The following MARCHF7 variants were observed in gnomAD, a reference collection of about 807,000 sequenced individuals.
MARCHF7 encodes the protein membrane associated ring-CH-type finger 7.
A neutral mutation model predicts 76.5 loss-of-function variants in MARCHF7; 20 were observed. The observed-to-expected ratio is 0.26, with a 90% CI of 0.18 to 0.38. The LOEUF (loss-of-function observed/expected upper bound fraction) is 0.38. Among genes scored for constraint, MARCHF7 ranks in the 10% least tolerant of loss-of-function variants. The pLI is 1.00. For missense variants in MARCHF7, 797 were observed against 812.9 expected, an observed-to-expected ratio of 0.98 and a Z score of 0.24; for synonymous variants, 295 against 293.0, an observed-to-expected ratio of 1.01 and a Z score of -0.07.
At chr2:159,728,484 ATAG>A (rs1365668471) in intron 3 of MARCHF7, among the ~76,000 whole-genome samples, 1 of 152,236 alleles carries the variant, frequency 6.6e-6, no homozygotes, top group Non-Finnish European at 1.5e-5. Context: ...ATTACAATGC[ATAG>A]TAGTATCAAA....
chr2:159,748,978 C>CTT (rs1244353725), intron 7 of MARCHF7, 75 bp downstream of exon 7: 301 of 775,356 alleles, frequency 3.9e-4, no homozygotes, highest in East Asian at 1.1e-3. Flanking sequence ...TTTTTCTTTT[C>CTT]TTTTTTTTTT....
intron 4 of MARCHF7, among the ~76,000 whole-genome samples, chr2:159,730,942 G>A (rs988556541): frequency 1.3e-5 from 2 of 152,180 alleles, no homozygotes; most frequent in African/African-American, 4.8e-5. Flanking sequence ...CCAGGCTGGA[G>A]TGAGTGGTGC....
rs145144745 is a variant in MARCHF7, at chr2:159,747,477, A to T, written c.515-328A>T. 9.7e-4 allele frequency among the ~76,000 whole-genome samples: 147 copies of T among 152,314 alleles called. 1 individual carries two copies. The highest frequency in any genetic ancestry group is 3.2e-3 in the African/African-American group (135 of 41,580). The stretch of plus-strand genomic sequence containing the variant: ...TGTTCAAAATCGTCTCAATTTAAAT[A>T]CTAGATATTATTGTATCATACCAAA... On this transcript the variant is annotated intron_variant, in intron 6 of 11. Coordinates refer to ENST00000409175, the MANE Select transcript of MARCHF7 (RefSeq NM_001282805.2).
At chr2:159,714,641 G>A (rs1426779999) in intron 2 of MARCHF7, 43 bp downstream of exon 2, 1 of 152,136 alleles carries the variant, frequency 6.6e-6, no homozygotes, top group Non-Finnish European at 1.5e-5. Context: ...TACTGTACTA[G>A]AAAATTAGTG....
In MARCHF7 at chr2:159,713,082, C is replaced by T. The variant is rs1019979747; in HGVS notation, c.-143+476C>T. The stretch of plus-strand genomic sequence containing the variant: ...GGGCAGGGCTCCGGCTCGGCCAGCC[C>T]GGCCTCGAGTCGAAGTGACTTCGGT... On this transcript the variant is annotated intron_variant, in intron 1 of 11. Transcript: ENST00000409175. 1.3e-5 allele frequency among the ~76,000 whole-genome samples: 2 copies of T among 152,216 alleles called. 1 individual carries two copies. The highest frequency in any genetic ancestry group is 2.9e-5 in the Non-Finnish European group (2 of 68,034).
intron 8 of MARCHF7, among the ~76,000 whole-genome samples, chr2:159,757,586 C>T (rs560744164): frequency 2.4e-3 from 366 of 152,210 alleles, no homozygotes; most frequent in African/African-American, 8.4e-3. Flanking sequence ...GAGGCTGCAG[C>T]GAGCCGTGAT....
At chr2:159,732,770 A>G in intron 4 of MARCHF7, 1 of 841,876 alleles carries the variant, frequency 1.2e-6, no homozygotes, top group South Asian at 5.5e-5. Flanking sequence ...GGCCTCCAGC[A>G]GTACTCCCAC....
intron 7 of MARCHF7, 39 bp downstream of exon 7, chr2:159,748,942 A>C (rs764957634): frequency 4.0e-6 from 6 of 1,490,872 alleles, no homozygotes; most frequent in Non-Finnish European, 5.3e-6. Context: ...TAAATCAAAA[A>C]TAGAGAAAGA....
At chr2:159,712,855 T>G (rs1700372739) in intron 1 of MARCHF7, among the ~76,000 whole-genome samples, 1 of 152,184 alleles carries the variant, frequency 6.6e-6, no homozygotes, top group Non-Finnish European at 1.5e-5. Flanking sequence ...CAGGGGCCTT[T>G]GGTCGGGTGG....
intron 8 of MARCHF7, among the ~76,000 whole-genome samples, chr2:159,756,060 A>G (rs1399700271): frequency 6.6e-6 from 1 of 152,160 alleles, no homozygotes; most frequent in Admixed American, 6.5e-5. Context: ...TTTGTTAGTC[A>G]CTGCCCTGAG....
At position 159,768,562 on chromosome 2, in the gene MARCHF7, C is replaced by T. The variant is rs1017980320; in HGVS notation, c.*1220C>T. 6.6e-6 allele frequency: 1 copy of T among 152,590 alleles called. No homozygotes were observed. The highest frequency in any genetic ancestry group is 1.5e-5 in the Non-Finnish European group (1 of 68,010). The allele number at this position is 152,590 out of a possible 1,614,324, so 9.5% of individuals were successfully genotyped here. On this transcript the variant is annotated 3_prime_UTR_variant, in exon 12 of 12. Transcript: ENST00000409175. ...TAAAACATTGGCTCAAAATAAAGTACACACTGATTTATTTTACTGTTTGAA... is the reference window on the plus strand; with the variant it reads ...TAAAACATTGGCTCAAAATAAAGTATACACTGATTTATTTTACTGTTTGAA...
At chr2:159,727,652 A>G (rs987838777) in intron 3 of MARCHF7, among the ~76,000 whole-genome samples, 1 of 152,244 alleles carries the variant, frequency 6.6e-6, no homozygotes, top group Non-Finnish European at 1.5e-5. Context: ...ACAACTCCCA[A>G]GTGGAAACAA....
At chr2:159,715,359 G>GT (rs1001645848) in intron 2 of MARCHF7, among the ~76,000 whole-genome samples, 1 of 138,848 alleles carries the variant, frequency 7.2e-6, no homozygotes, top group Non-Finnish European at 1.5e-5. Flanking sequence ...GAGTTTAGGT[G>GT]GGGGGGGTAA....
intron 6 of MARCHF7, among the ~76,000 whole-genome samples, chr2:159,747,373 A>G (rs2125593296): frequency 6.6e-6 from 1 of 152,338 alleles, no homozygotes; most frequent in Non-Finnish European, 1.5e-5. Flanking sequence ...CAGAGTAAAA[A>G]AAAATCTCCA....
intron 3 of MARCHF7, among the ~76,000 whole-genome samples, chr2:159,717,562 T>C (rs1413948345): frequency 6.6e-6 from 1 of 152,250 alleles, no homozygotes; most frequent in Non-Finnish European, 1.5e-5. Flanking sequence ...TTTTGTGAAG[T>C]ATTTTAACTT....
At chr2:159,734,137 A>G in intron 4 of MARCHF7, 1 of 1,179,814 alleles carries the variant, frequency 8.5e-7, no homozygotes, top group South Asian at 2.7e-5. Context: ...AAATATTGTT[A>G]AAAAGGGGTT....
At chr2:159,721,550 C>T (rs1261591293) in intron 3 of MARCHF7, among the ~76,000 whole-genome samples, 1 of 152,190 alleles carries the variant, frequency 6.6e-6, no homozygotes, top group African/African-American at 2.4e-5. Context: ...AACTTCATCT[C>T]AGAAGTCAAA....
intron 8 of MARCHF7, among the ~76,000 whole-genome samples, chr2:159,756,708 A>C (rs921306880): frequency 2.1e-5 from 3 of 140,600 alleles, no homozygotes; most frequent in African/African-American, 9.6e-5. Flanking sequence ...AAAAAAAAAA[A>C]AAAAAACAGA....
At chr2:159,749,249 A>T (rs1230635697) in intron 7 of MARCHF7, among the ~76,000 whole-genome samples, 5 of 152,122 alleles carry the variant, frequency 3.3e-5, no homozygotes, top group Admixed American at 6.5e-5. Flanking sequence ...AAGTGCTGGG[A>T]TTACAGGCAT....
Sources: gnomAD v4.1 joint callset for allele counts (sites outside exome capture counted in the v4.1 genomes callset) on GRCh38, gnomAD v4.1.1 for gene constraint, MANE v1.5 for transcripts, NCBI Gene and HGNC (gene_info 2026-07-23, HGNC 2026-07-21) for gene names.